The following ARHGEF28 variants were observed in gnomAD, a reference collection of about 807,000 sequenced individuals.
ARHGEF28 encodes 190 kDa guanine nucleotide exchange factor.
In ARHGEF28, 152 loss-of-function variants were observed where a neutral mutation model predicts 206.6. That is an observed-to-expected ratio of 0.74 (90% CI 0.64 to 0.84). The LOEUF (loss-of-function observed/expected upper bound fraction) is 0.84, where lower values mean the gene tolerates loss of function less well. Ranked by LOEUF, ARHGEF28 falls within the 40% of genes least tolerant of loss-of-function variation. The pLI is 0.00. For missense variants in ARHGEF28, 2,028 were observed against 2,073.2 expected (o/e 0.98, Z 0.42); for synonymous variants, 763 against 776.4 (o/e 0.98, Z 0.29).
At chr5:73,876,842 T>C (rs1442614579) in intron 22 of ARHGEF28, among the ~76,000 whole-genome samples, 2 of 148,680 alleles carry the variant, frequency 1.3e-5, no homozygotes, top group Non-Finnish European at 3.0e-5. Flanking sequence ...ATTGAGGATT[T>C]TTGCATCAGT....
intron 1 of ARHGEF28, among the ~76,000 whole-genome samples, chr5:73,661,437 C>A (rs1379106006): frequency 6.6e-6 from 1 of 152,100 alleles, no homozygotes; most frequent in Admixed American, 6.6e-5. Flanking sequence ...TCGTGTGTTC[C>A]TGGAGAAGTA....
intron 1 of ARHGEF28, among the ~76,000 whole-genome samples, chr5:73,650,995 G>C (rs1744789180): frequency 1.3e-5 from 2 of 152,216 alleles, no homozygotes; most frequent in South Asian, 4.1e-4. Flanking sequence ...ATTAATAGTA[G>C]AAACTCTGAG....
chr5:73,696,255 T>C (rs894380158), intron 2 of ARHGEF28, among the ~76,000 whole-genome samples: 1 of 152,188 alleles, frequency 6.6e-6, no homozygotes, highest in African/African-American at 2.4e-5. Context: ...AAAGTGTTGA[T>C]AATTAAAGAT....
intron 35 of ARHGEF28, among the ~76,000 whole-genome samples, chr5:73,927,495 A>G (rs1035746339): frequency 9.2e-5 from 14 of 152,224 alleles, no homozygotes; most frequent in Admixed American, 1.3e-4. Context: ...GTCATCTCCC[A>G]TAGGGAAAGA....
intron 9 of ARHGEF28, among the ~76,000 whole-genome samples, chr5:73,810,015 A>C (rs1021378384): frequency 1.3e-5 from 2 of 152,366 alleles, no homozygotes; most frequent in East Asian, 3.9e-4. Context: ...AACTACAGAA[A>C]AAAAACCCAC....
chr5:73,728,364 C>T (rs774451277), intron 2 of ARHGEF28, among the ~76,000 whole-genome samples: 1 of 152,194 alleles, frequency 6.6e-6, no homozygotes, highest in Non-Finnish European at 1.5e-5. Context: ...TGTGCCCCTA[C>T]AGACCTTCAC....
At chr5:73,746,522 TCAATG>T (rs201290071) in intron 2 of ARHGEF28, among the ~76,000 whole-genome samples, 1,710 of 152,240 alleles carry the variant, frequency 0.011, 20 homozygotes, top group Admixed American at 0.023. Flanking sequence ...TAGGATCATG[TCAATG>T]CAGATGAAAT....
intron 22 of ARHGEF28, among the ~76,000 whole-genome samples, chr5:73,882,159 A>C (rs1302405424): frequency 6.6e-6 from 1 of 152,190 alleles, no homozygotes; most frequent in Non-Finnish European, 1.5e-5. Flanking sequence ...AAGTATTAAA[A>C]CTATAAATTG....
intron 10 of ARHGEF28, among the ~76,000 whole-genome samples, chr5:73,833,719 A>C (rs749221521): frequency 2.1e-4 from 32 of 152,160 alleles, no homozygotes; most frequent in Non-Finnish European, 3.5e-4. Flanking sequence ...TAATTGACTC[A>C]CACTTCTGCA....
chr5:73,828,372 G>T (rs182914792), intron 9 of ARHGEF28, among the ~76,000 whole-genome samples: 13 of 152,304 alleles, frequency 8.5e-5, no homozygotes, highest in African/African-American at 2.4e-4. Context: ...GTATGCCTCA[G>T]AAAAATACTC....
At chr5:73,862,952 A>G (rs1274941768) in intron 16 of ARHGEF28, 1 of 151,562 alleles carries the variant, frequency 6.6e-6, no homozygotes, top group Admixed American at 6.6e-5. Flanking sequence ...TGTTGATCTG[A>G]AACTTCATGT....
intron 28 of ARHGEF28, among the ~76,000 whole-genome samples, chr5:73,894,038 T>C (rs1178834353): frequency 1.3e-5 from 2 of 152,364 alleles, no homozygotes; most frequent in East Asian, 1.9e-4. Context: ...TCACTCATCA[T>C]GGACAGGGCC....
At chr5:73,791,777 T>C (rs1754498091) in intron 7 of ARHGEF28, among the ~76,000 whole-genome samples, 2 of 152,260 alleles carry the variant, frequency 1.3e-5, no homozygotes, top group East Asian at 3.9e-4. Flanking sequence ...CCATTATAGT[T>C]TGGCAATAAC....
intron 2 of ARHGEF28, among the ~76,000 whole-genome samples, chr5:73,719,327 C>T (rs1749774033): frequency 6.6e-6 from 1 of 150,776 alleles, no homozygotes; most frequent in Non-Finnish European, 1.5e-5. Context: ...AGGAGAATGG[C>T]GTGAACCCGG....
rs548804446 is a variant in ARHGEF28, at chr5:73,935,910, G to A, written c.4949-4934G>A. 2.8e-4 allele frequency among the ~76,000 whole-genome samples: 43 copies of A among 152,298 alleles called. No homozygotes were observed. The East Asian group carries it at 7.5e-3, about 27-fold the overall frequency. ...AGACAGGGAGAGAACTGAACAGCGC[G>A]TCATCAGTGCTCTCAATGGCAGACT... On this transcript the variant is annotated intron_variant, in intron 35 of 35. Transcript: ENST00000513042.
intron 9 of ARHGEF28, among the ~76,000 whole-genome samples, chr5:73,824,594 G>A (rs1430535769): frequency 2.6e-5 from 4 of 151,928 alleles, no homozygotes; most frequent in Non-Finnish European, 4.4e-5. Context: ...TCAGCTGCCT[G>A]AGTAGCTGGG....
At chr5:73,826,242 A>G (rs71636088) in intron 9 of ARHGEF28, among the ~76,000 whole-genome samples, 19,822 of 152,240 alleles carry the variant, frequency 0.13, 1,376 homozygotes, top group East Asian at 0.2. Flanking sequence ...TTTGGTGACC[A>G]TGATGGGCAC....
At chr5:73,696,089 AC>A (rs1377386643) in intron 2 of ARHGEF28, among the ~76,000 whole-genome samples, 1 of 152,120 alleles carries the variant, frequency 6.6e-6, no homozygotes, top group Non-Finnish European at 1.5e-5. Flanking sequence ...ACATTGCAAT[AC>A]CTAGTGCAGT....
intron 1 of ARHGEF28, among the ~76,000 whole-genome samples, chr5:73,640,305 T>A (rs987224479): frequency 6.6e-6 from 1 of 152,196 alleles, no homozygotes; most frequent in Admixed American, 6.5e-5. Context: ...AAGCAATATA[T>A]GAATAGTTGC....
Sources: gnomAD v4.1 joint callset for allele counts (sites outside exome capture counted in the v4.1 genomes callset) on GRCh38, gnomAD v4.1.1 for gene constraint, MANE v1.5 for transcripts, NCBI Gene and HGNC (gene_info 2026-07-23, HGNC 2026-07-21) for gene names.